Variants in ANO4 observed in about 807,000 individuals in gnomAD.
ANO4 encodes anoctamin-4.
A neutral mutation model predicts 141.9 loss-of-function variants in ANO4; 69 were observed. The ratio of observed to expected loss-of-function variants is 0.49; its 90% CI spans 0.40 to 0.59. The LOEUF is 0.59. Ranked by LOEUF, ANO4 falls within the 20% of genes least tolerant of loss-of-function variation. ANO4 has a pLI of 0.00. For missense variants in ANO4, 894 were observed against 1,162.2 expected, an observed-to-expected ratio of 0.77 and a Z score of 3.36; for synonymous variants, 350 against 394.3, an observed-to-expected ratio of 0.89 and a Z score of 1.33.
At chr12:100,821,441 A>G (rs919977127) in intron 1 of ANO4, among the ~76,000 whole-genome samples, 13 of 152,166 alleles carry the variant, frequency 8.5e-5, no homozygotes, top group Admixed American at 4.6e-4. Context: ...TCGATTTGGA[A>G]TGGAAGAATA....
chr12:100,987,412 C>T, intron 7 of ANO4, 127 bp from the exon 8 acceptor site: 1 of 1,176,388 alleles, frequency 8.5e-7, no homozygotes, highest in African/African-American at 1.5e-5. Flanking sequence ...ACAAGGATAT[C>T]CTGAGTGCAG....
chr12:100,816,906 T>C (rs1400396706), intron 1 of ANO4, among the ~76,000 whole-genome samples: 1 of 151,954 alleles, frequency 6.6e-6, no homozygotes, highest in African/African-American at 2.4e-5. Flanking sequence ...TCCAGAGTTC[T>C]TAGCCCTCTA....
intron 3 of ANO4, among the ~76,000 whole-genome samples, chr12:100,925,546 A>G (rs1046961072): frequency 6.6e-6 from 1 of 151,820 alleles, no homozygotes; most frequent in Admixed American, 6.6e-5. Context: ...CCTAATGTAG[A>G]TGACGGGTTG....
intron 17 of ANO4, among the ~76,000 whole-genome samples, chr12:101,090,079 C>T (rs1038161801): frequency 4.6e-5 from 7 of 152,114 alleles, no homozygotes; most frequent in African/African-American, 1.4e-4. Context: ...AATGGTGATC[C>T]TTAAAAAGTC....
At chr12:100,802,886 C>T (rs1257532288) in intron 1 of ANO4, among the ~76,000 whole-genome samples, 2 of 152,106 alleles carry the variant, frequency 1.3e-5, no homozygotes, top group Non-Finnish European at 2.9e-5. Flanking sequence ...TTTCTTCTCT[C>T]CACTCATTGT....
At chr12:100,721,899 C>T (rs1348613449) in intron 1 of ANO4, among the ~76,000 whole-genome samples, 2 of 147,798 alleles carry the variant, frequency 1.4e-5, no homozygotes, top group Non-Finnish European at 3.0e-5. Flanking sequence ...TGATATGTTT[C>T]CTAGGCTGGT....
intron 1 of ANO4, among the ~76,000 whole-genome samples, chr12:100,813,870 C>G (rs2035583406): frequency 6.6e-6 from 1 of 152,078 alleles, no homozygotes; most frequent in South Asian, 2.1e-4. Flanking sequence ...TGAGTTGGGG[C>G]AGATCTTCAG....
chr12:100,958,021 A>G (rs1482981871), intron 5 of ANO4, among the ~76,000 whole-genome samples: 1 of 152,116 alleles, frequency 6.6e-6, no homozygotes. Context: ...ATTTTTTTAA[A>G]TCATTATTTC....
intron 9 of ANO4, 128 bp from the exon 10 acceptor site, chr12:101,036,967 C>T: frequency 7.9e-6 from 6 of 760,934 alleles, no homozygotes; most frequent in Non-Finnish European, 1.2e-5. Flanking sequence ...TTTTCTAACT[C>T]TTGGTGCCCC....
intron 1 of ANO4, among the ~76,000 whole-genome samples, chr12:100,812,896 G>C (rs191346303): frequency 6.1e-4 from 93 of 152,340 alleles, no homozygotes; most frequent in African/African-American, 2.2e-3. Context: ...GCAAGGTTCT[G>C]TTTAGGAATC....
intron 26 of ANO4, among the ~76,000 whole-genome samples, chr12:101,126,408 C>T (rs900365306): frequency 7.2e-5 from 11 of 152,138 alleles, no homozygotes; most frequent in African/African-American, 2.7e-4. Flanking sequence ...CCTAGGCCCA[C>T]TGATAATTCT....
At chr12:101,107,177 ATC>A (rs2050482512) in intron 22 of ANO4, among the ~76,000 whole-genome samples, 1 of 152,178 alleles carries the variant, frequency 6.6e-6, no homozygotes, top group Admixed American at 6.5e-5. Flanking sequence ...TGTAAGAATT[ATC>A]TCTGTCAGTT....
intron 2 of ANO4, among the ~76,000 whole-genome samples, chr12:100,902,934 C>T (rs2040664014): frequency 6.6e-6 from 1 of 152,190 alleles, no homozygotes; most frequent in Non-Finnish European, 1.5e-5. Flanking sequence ...TCATCTCTTT[C>T]ACCCTTCCAC....
chr12:101,044,831 C>T (rs777564394), intron 13 of ANO4, among the ~76,000 whole-genome samples: 4 of 152,092 alleles, frequency 2.6e-5, no homozygotes, highest in Non-Finnish European at 5.9e-5. Flanking sequence ...CTCAGATAGA[C>T]CTGAGTGGAT....
At chr12:100,951,143 A>G (rs879725774) in intron 5 of ANO4, among the ~76,000 whole-genome samples, 5 of 152,214 alleles carry the variant, frequency 3.3e-5, no homozygotes, top group African/African-American at 1.2e-4. Context: ...ACCATCTCAC[A>G]CCAGTCAGAA....
intron 2 of ANO4, among the ~76,000 whole-genome samples, chr12:100,908,489 T>C (rs2040947922): frequency 6.6e-6 from 1 of 152,194 alleles, no homozygotes; most frequent in Non-Finnish European, 1.5e-5. Flanking sequence ...AGAATTATAA[T>C]TAAGAAAAAA....
At chr12:100,841,174 A>G (rs1212128313) in intron 1 of ANO4, among the ~76,000 whole-genome samples, 1 of 152,180 alleles carries the variant, frequency 6.6e-6, no homozygotes, top group African/African-American at 2.4e-5. Context: ...GGGAAATTCT[A>G]ATGTATCCCT....
At chr12:100,862,204 A>G (rs769528457) in intron 1 of ANO4, among the ~76,000 whole-genome samples, 9 of 152,190 alleles carry the variant, frequency 5.9e-5, no homozygotes, top group Non-Finnish European at 1.2e-4. Flanking sequence ...AGCTGGAACT[A>G]TAGGCATGTG....
chr12:100,827,511 A>G (rs966796445), intron 1 of ANO4, among the ~76,000 whole-genome samples: 10 of 151,892 alleles, frequency 6.6e-5, no homozygotes, highest in African/African-American at 2.4e-4. Flanking sequence ...TGAAAGTAGG[A>G]ATTTTTTCTG....
Sources: allele counts gnomAD v4.1 joint callset (sites outside exome capture counted in the v4.1 genomes callset), GRCh38; gene constraint gnomAD v4.1.1; transcripts MANE v1.5; gene names NCBI Gene and HGNC (gene_info 2026-07-23, HGNC 2026-07-21).